Variants in NPAS3 observed in about 807,000 individuals in gnomAD.
NPAS3 encodes the protein neuronal PAS domain-containing protein 3.
In NPAS3, 14 loss-of-function variants were observed where a neutral mutation model predicts 73.1. The observed-to-expected ratio is 0.19, with a 90% CI of 0.13 to 0.30. The LOEUF (loss-of-function observed/expected upper bound fraction) is 0.30, where lower values mean the gene tolerates loss of function less well. NPAS3 is among the 10% of genes least tolerant of loss of function. The pLI is 1.00. For synonymous variants in NPAS3, 620 were observed against 541.5 expected, an observed-to-expected ratio of 1.14 and a Z score of -2.01; for missense variants, 1,096 against 1,250.0, an observed-to-expected ratio of 0.88 and a Z score of 1.86.
intron 1 of NPAS3, among the ~76,000 whole-genome samples, chr14:32,993,033 G>T (rs1027912526): frequency 6.6e-6 from 1 of 151,680 alleles, no homozygotes; most frequent in Non-Finnish European, 1.5e-5. Context: ...TCAGGCACCT[G>T]TTGCTACTTG....
chr14:33,238,191 A>G lies in NPAS3; in HGVS notation c.385+22765A>G, dbSNP rs183269079. Among the ~76,000 whole-genome samples, 223 of 152,102 alleles carry G rather than the reference A, an allele frequency of 1.5e-3. 1 individual carries two copies. Among genetic ancestry groups the G allele is most frequent in the Admixed American group, 3.9e-3 (59 of 15,256 alleles). On this transcript the variant is annotated intron_variant, in intron 3 of 11. Coordinates refer to ENST00000356141, the Ensembl canonical transcript of NPAS3. ...CAAAGAAGTCACTAAGATCGTAAAC[A>G]TATTACCTGCAGACCCCAGACAGTT...
rs142926664 is a variant in NPAS3, at chr14:33,770,971, T to C, written c.853-3366T>C. On this transcript the variant is annotated intron_variant, in intron 7 of 11. Coordinates refer to ENST00000356141, the Ensembl canonical transcript of NPAS3. ...TTTGTACTAGGTTTTAAATCTTTGA[T>C]ATACTAACCTGGAAACAAAGCAAGT... 1.3e-4 allele frequency among the ~76,000 whole-genome samples: 20 copies of C among 152,306 alleles called. No homozygotes were observed. In the East Asian group the frequency reaches 3.9e-3, roughly 29 times the overall value.
At chr14:32,947,274 C>T (rs2036299909) in intron 1 of NPAS3, among the ~76,000 whole-genome samples, 1 of 152,090 alleles carries the variant, frequency 6.6e-6, no homozygotes, top group South Asian at 2.1e-4. Flanking sequence ...AGGATGCTAG[C>T]TCTAAACTTC....
At chr14:32,982,871 G>C (rs1422565688) in intron 1 of NPAS3, among the ~76,000 whole-genome samples, 1 of 152,150 alleles carries the variant, frequency 6.6e-6, no homozygotes, top group Non-Finnish European at 1.5e-5. Context: ...AAATAAAGCT[G>C]TAGGTAACTT....
intron 2 of NPAS3, among the ~76,000 whole-genome samples, chr14:33,123,845 T>TTTTC (rs201636921): frequency 2.1e-5 from 3 of 140,918 alleles, no homozygotes; most frequent in African/African-American, 2.6e-5. Context: ...CTGTGAAGTT[T>TTTTC]TTTCTTTCTT....
intron 2 of NPAS3, among the ~76,000 whole-genome samples, chr14:33,158,395 C>A (rs1182078107): frequency 2.0e-5 from 3 of 152,098 alleles, no homozygotes; most frequent in Admixed American, 2.0e-4. Flanking sequence ...TTGGAAGACA[C>A]TATATTTGGT....
At chr14:33,362,935 C>G (rs374220612) in intron 3 of NPAS3, among the ~76,000 whole-genome samples, 2 of 152,128 alleles carry the variant, frequency 1.3e-5, no homozygotes, top group African/African-American at 4.8e-5. Flanking sequence ...CCTCCAATAG[C>G]AAGCCCCTCT....
At chr14:33,396,364 C>G (rs1249730304) in intron 4 of NPAS3, among the ~76,000 whole-genome samples, 1 of 152,104 alleles carries the variant, frequency 6.6e-6, no homozygotes, top group Non-Finnish European at 1.5e-5. Context: ...GAGGATTAAA[C>G]GTGGGTGATT....
intron 3 of NPAS3, among the ~76,000 whole-genome samples, chr14:33,249,453 AG>A (rs2048503211): frequency 6.6e-6 from 1 of 151,738 alleles, no homozygotes; most frequent in Non-Finnish European, 1.5e-5. Flanking sequence ...TTTATTCATT[AG>A]AATTATGTGC....
At chr14:33,087,915 G>C (rs1329967794) in intron 2 of NPAS3, among the ~76,000 whole-genome samples, 1 of 152,194 alleles carries the variant, frequency 6.6e-6, no homozygotes, top group Non-Finnish European at 1.5e-5. Flanking sequence ...ACTTCAGTAA[G>C]TACCTCACCC....
chr14:33,802,376 T>TAAAAAAAAAAAAAAAGA (rs1434018329), downstream of NPAS3: 11 of 95,570 alleles, frequency 1.2e-4, no homozygotes, highest in Non-Finnish European at 2.0e-4. Context: ...GCACATTAAG[T>TAAAAAAAAAAAAAAAGA]AAAAAAAAAA....
chr14:33,115,180 C>T (rs1325199348), intron 2 of NPAS3, among the ~76,000 whole-genome samples: 3 of 152,074 alleles, frequency 2.0e-5, no homozygotes, highest in Non-Finnish European at 4.4e-5. Context: ...GGTGGAAGGT[C>T]CTGTAGACTG....
At chr14:33,682,961 G>A (rs1188911185) in intron 6 of NPAS3, among the ~76,000 whole-genome samples, 2 of 152,166 alleles carry the variant, frequency 1.3e-5, no homozygotes, top group Non-Finnish European at 2.9e-5. Context: ...CCCACACGTT[G>A]ATGACGCAAC....
chr14:33,573,529 A>G lies in NPAS3; in HGVS notation c.558+13319A>G, dbSNP rs186790921. 1.6e-3 allele frequency among the ~76,000 whole-genome samples: 227 copies of G among 145,490 alleles called. 4 individuals carry two copies. The East Asian group carries it at 0.024, about 15-fold the overall frequency. On this transcript the variant is annotated intron_variant, in intron 5 of 11. Transcript: ENST00000356141. ...GCAAAGAATTTACTGAAGAAAAAGT[A>G]ACGCTTTTGGTCAGGGTTTGAAAGG...
intron 2 of NPAS3, among the ~76,000 whole-genome samples, chr14:33,162,407 G>A (rs2044929102): frequency 6.6e-6 from 1 of 151,998 alleles, no homozygotes; most frequent in African/African-American, 2.4e-5. Context: ...ACACTGATGA[G>A]GGCATTTTTA....
At chr14:32,935,021 G>A, upstream of NPAS3, 1 of 1,288,664 alleles carries the variant, frequency 7.8e-7, no homozygotes, top group Admixed American at 3.4e-5. Flanking sequence ...GTCCCGCCTG[G>A]GCTGGGATAG....
chr14:33,179,569 G>A (rs533605388), intron 2 of NPAS3, among the ~76,000 whole-genome samples: 1 of 152,120 alleles, frequency 6.6e-6, no homozygotes, highest in Non-Finnish European at 1.5e-5. Flanking sequence ...TAAAGCAAGG[G>A]GTTTTAGTCC....
intron 4 of NPAS3, among the ~76,000 whole-genome samples, chr14:33,483,767 G>A (rs1007673054): frequency 4.6e-5 from 7 of 152,064 alleles, no homozygotes; most frequent in African/African-American, 1.4e-4. Context: ...CACCTCCCTC[G>A]AACAGCTTTC....
intron 3 of NPAS3, among the ~76,000 whole-genome samples, chr14:33,268,473 C>T (rs1242058719): frequency 2.0e-5 from 3 of 152,138 alleles, no homozygotes; most frequent in Admixed American, 6.6e-5. Context: ...TCTTCATTGC[C>T]ATACAATTGG....
Sources: allele counts gnomAD v4.1 joint callset (sites outside exome capture counted in the v4.1 genomes callset), GRCh38; gene constraint gnomAD v4.1.1; transcripts MANE v1.5; gene names NCBI Gene and HGNC (gene_info 2026-07-23, HGNC 2026-07-21).